The following CDK11B variants were observed in gnomAD, a reference collection of about 807,000 sequenced individuals.
CDK11B encodes the protein cyclin-dependent kinase 11B.
CDK11B carries 37 observed loss-of-function variants against 84.0 expected under a neutral mutation model. The ratio of observed to expected loss-of-function variants is 0.44; its 90% CI spans 0.34 to 0.58. The LOEUF (loss-of-function observed/expected upper bound fraction) is 0.58. CDK11B is among the 20% of genes least tolerant of loss of function. The pLI is 0.02. For synonymous variants in CDK11B, 269 were observed against 309.8 expected (o/e 0.87, Z 1.38); for missense variants, 427 against 834.0 (o/e 0.51, Z 6.01).
intron 11 of CDK11B, among the ~76,000 whole-genome samples, chr1:1,639,705 C>G (rs1406596411): frequency 1.3e-5 from 2 of 151,982 alleles, no homozygotes; most frequent in Non-Finnish European, 2.9e-5. Flanking sequence ...ACCTCTCCGC[C>G]CACAGGCACC....
intron 17 of CDK11B, 84 bp from the exon 18 acceptor site, chr1:1,636,565 A>AG: frequency 6.4e-7 from 1 of 1,573,552 alleles, no homozygotes; most frequent in African/African-American, 1.3e-5. Flanking sequence ...ACAAGCCACC[A>AG]GGAGGGCTCT....
chr1:1,637,347 G>C lies in CDK11B; in HGVS notation c.1570+61C>G, dbSNP rs28498915. On this transcript the variant is annotated intron_variant, in intron 14 of 19. Coordinates refer to ENST00000341832, the MANE Select transcript of CDK11B (RefSeq NM_033486.3). ...GCCCTCCCTGCAGCACTGTCACCGC[G>C]GGGGTGACCAGGACCCTGCCCCCAC... is the stretch of plus-strand genomic sequence containing the variant. The C allele has an allele frequency of 5.8e-6, 9 of 1,549,638 alleles. No individual in the cohort carries two copies. The African/African-American group carries it at 7.1e-5, about 12-fold the overall frequency.
chr1:1,650,664 CTT>C lies in CDK11B; in HGVS notation c.356-1029_356-1028del, dbSNP rs1185570412. On this transcript the variant is annotated intron_variant, in intron 4 of 19. Transcript: ENST00000341832. Reference sequence around the variant, plus strand: ...ACAGTTGTGAGCCACCGCGCCCGGCCTTTTTTTTTTTTTTTTTTTTTTTTAAA... The same window carrying C: ...ACAGTTGTGAGCCACCGCGCCCGGCCTTTTTTTTTTTTTTTTTTTTTTAAA... 2.3e-3 allele frequency among the ~76,000 whole-genome samples: 267 copies of C among 114,984 alleles called. 2 individuals carry two copies. The highest frequency in any genetic ancestry group is 6.5e-3 in the Admixed American group (69 of 10,666). 75.4% of individuals were successfully genotyped at this position (114,984 alleles called of 152,430 possible).
chr1:1,653,825 T>TACACACAC (rs782129056), intron 3 of CDK11B, among the ~76,000 whole-genome samples: 7,350 of 121,762 alleles, frequency 0.06, 251 homozygotes, highest in East Asian at 0.1. Context: ...CTACTAAAAA[T>TACACACAC]ACACACACAC....
chr1:1,657,375 A>C lies in CDK11B; in HGVS notation c.111T>G (p.Asn37Lys). ...EEKAEIKRLK[N>K]SDDRDSKRDS... ...CACTTACTTAAAAAATATGGCTTAC[A>C]TTTTTTAAGCGTTTTATCTCTGCTT... is the stretch of plus-strand genomic sequence containing the variant. The change falls in exon 2 of 20, where the codon AAT becomes AAG. Residue 37 changes from asparagine to lysine, a missense_variant and splice_region_variant. Transcript: ENST00000341832. The C allele has an allele frequency of 6.2e-7, 1 of 1,612,740 alleles. No homozygotes were observed. Among genetic ancestry groups the C allele is most frequent in the South Asian group, 1.1e-5 (1 of 90,776 alleles).
intron 4 of CDK11B, among the ~76,000 whole-genome samples, chr1:1,650,148 T>C (rs1212878914): frequency 1.3e-5 from 2 of 148,192 alleles, no homozygotes; most frequent in Admixed American, 6.7e-5. Flanking sequence ...CGGGCACCTG[T>C]AGTCCCAGCT....
intron 5 of CDK11B, chr1:1,646,717 CCACCAGTCT>C (rs1641178118): frequency 1.9e-6 from 1 of 519,908 alleles, no homozygotes; most frequent in Non-Finnish European, 3.9e-6. Context: ...ACAATGAATC[CCACCAGTCT>C]CTGCTTCTCA....
At chr1:1,657,192 G>C in intron 2 of CDK11B, 183 bp downstream of exon 2, 1 of 1,613,198 alleles carries the variant, frequency 6.2e-7, no homozygotes, top group Non-Finnish European at 8.5e-7. Context: ...TGTTAAATCT[G>C]CCTTTAATGT....
chr1:1,649,954 C>CAAA (rs1294913578), intron 4 of CDK11B, among the ~76,000 whole-genome samples: 3 of 87,478 alleles, frequency 3.4e-5, no homozygotes, highest in African/African-American at 5.1e-5. Flanking sequence ...ACAGCCTGGG[C>CAAA]AAAAAAAAAA....
At chr1:1,636,514 A>G in intron 17 of CDK11B, 33 bp from the exon 18 acceptor site, 6 of 1,602,872 alleles carry the variant, frequency 3.7e-6, no homozygotes, top group Non-Finnish European at 5.1e-6. Flanking sequence ...CAGCCACACC[A>G]AGTGGCCCAC....
chr1:1,652,496 T>G lies in CDK11B; in HGVS notation c.298A>C (p.Arg100=). Residue 100 remains arginine, a synonymous_variant, in exon 4 of 20, where the codon AGA becomes CGA. Coordinates refer to ENST00000341832, the MANE Select transcript of CDK11B (RefSeq NM_033486.3). ...QMSRKEKAHH[R]KDEKRKEKRR... Reference sequence around the variant, plus strand: ...TTCTCTTTTCTCTTTTCATCTTTTCTGTGATGAGCTTTTTCTTTCCGAGAC... The same window carrying G: ...TTCTCTTTTCTCTTTTCATCTTTTCGGTGATGAGCTTTTTCTTTCCGAGAC... The G allele has an allele frequency of 1.3e-6, 2 of 1,513,904 alleles. No homozygotes were observed. Among genetic ancestry groups the G allele is most frequent in the Middle Eastern group, 3.5e-4 (2 of 5,768 alleles). The allele number at this position is 1,513,904 out of a possible 1,614,324, so 93.8% of individuals were successfully genotyped here.
intron 4 of CDK11B, among the ~76,000 whole-genome samples, chr1:1,649,903 G>T (rs1641672963): frequency 6.7e-6 from 1 of 150,164 alleles, no homozygotes; most frequent in Non-Finnish European, 1.5e-5. Context: ...TTGAACCCGG[G>T]AGGCGGAGGT....
At chr1:1,641,186 G>A (rs1432639862) in intron 9 of CDK11B, 73 bp from the exon 10 acceptor site, 12 of 1,549,150 alleles carry the variant, frequency 7.7e-6, no homozygotes, top group South Asian at 3.5e-5. Flanking sequence ...TGCGGGCTCC[G>A]CTTCAGCTAA....
intron 3 of CDK11B, 63 bp downstream of exon 3, chr1:1,655,306 G>T (rs1642598771): frequency 6.4e-6 from 10 of 1,568,850 alleles, no homozygotes; most frequent in Non-Finnish European, 8.7e-6. Flanking sequence ...AGCGACCCTA[G>T]GAAGGACCGG....
At chr1:1,656,185 G>A (rs1371480871) in intron 2 of CDK11B, among the ~76,000 whole-genome samples, 5 of 151,976 alleles carry the variant, frequency 3.3e-5, no homozygotes, top group Non-Finnish European at 5.9e-5. Flanking sequence ...GTTTCCCAAC[G>A]CATATAAAAG....
At chr1:1,649,192 C>T (rs1372711454) in intron 5 of CDK11B, among the ~76,000 whole-genome samples, 14 of 152,234 alleles carry the variant, frequency 9.2e-5, no homozygotes, top group East Asian at 1.9e-4. Context: ...CTCCACCTTC[C>T]GGGTTCACGC....
chr1:1,646,363 A>C, intron 5 of CDK11B: 1 of 472,452 alleles, frequency 2.1e-6, no homozygotes, highest in South Asian at 1.5e-5. Flanking sequence ...AACACTAAGA[A>C]AACAACTTTC....
chr1:1,640,529 G>T (rs1640120970), intron 10 of CDK11B, 77 bp from the exon 11 acceptor site: 8 of 1,602,908 alleles, frequency 5.0e-6, no homozygotes, highest in Non-Finnish European at 6.8e-6. Flanking sequence ...GGGGCATCAA[G>T]CGCGTGGCAG....
Position 1,636,760 on chromosome 1 carries a change from G to A in CDK11B, c.1839C>T (p.Cys613=), listed in dbSNP as rs748683816. Residue 613 remains cysteine, a synonymous_variant, in exon 17 of 20, where the codon TGC becomes TGT. Coordinates refer to ENST00000341832, the MANE Select transcript of CDK11B (RefSeq NM_033486.3). ...STAVDMWSVG[C]IFGELLTQKP... is the part of the protein sequence containing the mutation. ...TCTGAGTCAGCAGCTCCCCGAAGAT[G>A]CAACCCACTGACCACATGTCCACGG... 6.2e-7 allele frequency: 1 copy of A among 1,613,830 alleles called. No individual in the cohort carries two copies. Among genetic ancestry groups the A allele is most frequent in the African/African-American group, 1.3e-5 (1 of 74,914 alleles).
Sources: allele counts gnomAD v4.1 joint callset (sites outside exome capture counted in the v4.1 genomes callset), GRCh38; gene constraint gnomAD v4.1.1; transcripts MANE v1.5; gene names NCBI Gene and HGNC (gene_info 2026-07-23, HGNC 2026-07-21).